Variants in GALNT13 observed in about 807,000 individuals in gnomAD.
GALNT13 encodes the protein UDP-GalNAc:polypeptide N-acetylgalactosaminyltransferase 13.
GALNT13 carries 28 observed loss-of-function variants against 64.2 expected under a neutral mutation model. The ratio of observed to expected loss-of-function variants is 0.44; its 90% CI spans 0.32 to 0.60. GALNT13 has a LOEUF of 0.60. Ranked by LOEUF, GALNT13 falls within the 20% of genes least tolerant of loss-of-function variation. The probability of loss-of-function intolerance (pLI) is 0.05; values close to 1 mark genes in which losing one functional copy is unlikely to be tolerated. For missense variants in GALNT13, 577 were observed against 669.8 expected, an observed-to-expected ratio of 0.86 and a Z score of 1.53; for synonymous variants, 214 against 224.6, an observed-to-expected ratio of 0.95 and a Z score of 0.42.
At chr2:153,410,906 A>G in the GALNT13 span, among the ~76,000 whole-genome samples, 1 of 151,642 alleles carries the variant, frequency 6.6e-6, no homozygotes, top group African/African-American at 2.4e-5. Flanking sequence ...GGAGAGAGAG[A>G]GGAGAGAGAG....
chr2:154,036,585 ATGTGTGTACC>A (rs1403791595), intron 3 of GALNT13, among the ~76,000 whole-genome samples: 18 of 152,152 alleles, frequency 1.2e-4, no homozygotes, highest in Admixed American at 5.9e-4. Flanking sequence ...GAGTGTGAAT[ATGTGTGTACC>A]TGTGTGTACA....
chr2:153,726,378 A>T, the GALNT13 span, among the ~76,000 whole-genome samples: 3 of 152,110 alleles, frequency 2.0e-5, no homozygotes, highest in South Asian at 2.1e-4. Context: ...TCAGTACCTT[A>T]GGTTAATGTT....
At chr2:153,307,437 T>G in the GALNT13 span, among the ~76,000 whole-genome samples, 1 of 152,150 alleles carries the variant, frequency 6.6e-6, no homozygotes, top group African/African-American at 2.4e-5. Flanking sequence ...TGCGCAATAG[T>G]AAATAAATGG....
chr2:153,433,028 C>G, the GALNT13 span, among the ~76,000 whole-genome samples: 4 of 151,964 alleles, frequency 2.6e-5, no homozygotes, highest in African/African-American at 9.7e-5. Flanking sequence ...ATAGACACTC[C>G]AAGCATTTGG....
At chr2:153,191,087 T>A in the GALNT13 span, among the ~76,000 whole-genome samples, 1 of 151,986 alleles carries the variant, frequency 6.6e-6, no homozygotes, top group South Asian at 2.1e-4. Flanking sequence ...CAGATTACTC[T>A]GGCTAAGACT....
the GALNT13 span, among the ~76,000 whole-genome samples, chr2:153,548,844 A>G: frequency 6.6e-6 from 1 of 152,226 alleles, no homozygotes; most frequent in African/African-American, 2.4e-5. Flanking sequence ...TAACAGCATG[A>G]TTCATAACAC....
At chr2:153,308,267 C>T in the GALNT13 span, among the ~76,000 whole-genome samples, 114 of 152,276 alleles carry the variant, frequency 7.5e-4, no homozygotes, top group African/African-American at 2.6e-3. Flanking sequence ...ATGTATTACA[C>T]ACTTTCCTAC....
chr2:153,217,751 T>G, the GALNT13 span, among the ~76,000 whole-genome samples: 2 of 152,224 alleles, frequency 1.3e-5, no homozygotes, highest in Admixed American at 1.3e-4. Context: ...AATCTTTAGT[T>G]ATTTTAACTT....
At chr2:154,054,707 A>G (rs914256808) in intron 3 of GALNT13, among the ~76,000 whole-genome samples, 5 of 152,154 alleles carry the variant, frequency 3.3e-5, no homozygotes, top group Middle Eastern at 3.4e-3. Flanking sequence ...ATTTTGGTTC[A>G]TAACATCCCT....
At chr2:154,231,482 T>C (rs1216474304) in intron 4 of GALNT13, among the ~76,000 whole-genome samples, 1 of 152,016 alleles carries the variant, frequency 6.6e-6, no homozygotes, top group East Asian at 1.9e-4. Context: ...CTTTCATTAC[T>C]ACTCTGGTGA....
chr2:153,435,086 G>A, the GALNT13 span, among the ~76,000 whole-genome samples: 473 of 152,108 alleles, frequency 3.1e-3, 4 homozygotes, highest in African/African-American at 0.01. Flanking sequence ...TTAAATAGGG[G>A]ATCCTTTCCC....
chr2:154,204,514 C>T (rs992967523), intron 4 of GALNT13, among the ~76,000 whole-genome samples: 2 of 152,096 alleles, frequency 1.3e-5, no homozygotes, highest in African/African-American at 4.8e-5. Context: ...TTTTTTAAGA[C>T]TCACAATTAT....
At chr2:153,827,375 G>C in the GALNT13 span, among the ~76,000 whole-genome samples, 32 of 152,226 alleles carry the variant, frequency 2.1e-4, 1 homozygote, top group South Asian at 6.4e-3. Flanking sequence ...TGTAATCCCA[G>C]CACTTCGGGA....
At chr2:153,911,713 TG>T (rs1215613502) in intron 2 of GALNT13, among the ~76,000 whole-genome samples, 1 of 152,190 alleles carries the variant, frequency 6.6e-6, no homozygotes, top group Non-Finnish European at 1.5e-5. Flanking sequence ...TTTATCTTTT[TG>T]TAAGAATGTT....
chr2:153,467,337 T>C, the GALNT13 span, among the ~76,000 whole-genome samples: 1 of 152,024 alleles, frequency 6.6e-6, no homozygotes, highest in Non-Finnish European at 1.5e-5. Flanking sequence ...AAATGATCAA[T>C]TTTTCTGCGT....
chr2:153,277,191 A>G, the GALNT13 span, among the ~76,000 whole-genome samples: 1 of 152,112 alleles, frequency 6.6e-6, no homozygotes, highest in African/African-American at 2.4e-5. Flanking sequence ...CAGATTTTCA[A>G]TCCTTCCCCT....
the GALNT13 span, among the ~76,000 whole-genome samples, chr2:153,780,240 T>TATATATATATATATATGC: frequency 3.1e-4 from 6 of 19,458 alleles, no homozygotes; most frequent in African/African-American, 6.0e-4. Flanking sequence ...TATATATATA[T>TATATATATATATATATGC]ATATATATAT....
At chr2:153,544,946 A>G in the GALNT13 span, among the ~76,000 whole-genome samples, 1 of 152,232 alleles carries the variant, frequency 6.6e-6, no homozygotes, top group African/African-American at 2.4e-5. Context: ...ACAGCTTAAG[A>G]GCAAACATTC....
intron 8 of GALNT13, among the ~76,000 whole-genome samples, chr2:154,294,244 A>G (rs949887912): frequency 6.6e-6 from 1 of 152,226 alleles, no homozygotes; most frequent in African/African-American, 2.4e-5. Context: ...AAATGCCTTT[A>G]TCTGTGAGAA....
Sources: allele counts gnomAD v4.1 joint callset (sites outside exome capture counted in the v4.1 genomes callset), GRCh38; gene constraint gnomAD v4.1.1; transcripts MANE v1.5; gene names NCBI Gene and HGNC (gene_info 2026-07-23, HGNC 2026-07-21).